The following STXBP5 variants were observed in gnomAD, a reference collection of about 807,000 sequenced individuals.
STXBP5 encodes syntaxin-binding protein 5.
STXBP5 carries 50 observed loss-of-function variants against 152.4 expected under a neutral mutation model. The observed-to-expected ratio is 0.33, with a 90% CI of 0.26 to 0.42. STXBP5 has a LOEUF of 0.42. Among genes scored for constraint, STXBP5 ranks in the 10% least tolerant of loss-of-function variants. The pLI, the probability that STXBP5 is intolerant of heterozygous loss-of-function variation, is 1.00. For missense variants in STXBP5, 1,167 were observed against 1,388.6 expected (o/e 0.84, Z 2.54); for synonymous variants, 492 against 494.7 (o/e 0.99, Z 0.07).
intron 22 of STXBP5, 66 bp from the exon 23 acceptor site, chr6:147,359,018 T>TA (rs1370872666): frequency 2.3e-5 from 36 of 1,548,954 alleles, no homozygotes; most frequent in African/African-American, 1.4e-5. Flanking sequence ...AAATTTATAT[T>TA]AAAAAACAAC....
intron 8 of STXBP5, 114 bp from the exon 9 acceptor site, chr6:147,290,980 T>C: frequency 1.4e-6 from 1 of 740,054 alleles, no homozygotes; most frequent in Non-Finnish European, 2.1e-6. Context: ...AGAATCACTT[T>C]AAAATGTTTC....
At chr6:147,346,813 C>T (rs533447944) in intron 21 of STXBP5, among the ~76,000 whole-genome samples, 9 of 152,138 alleles carry the variant, frequency 5.9e-5, no homozygotes, top group African/African-American at 2.2e-4. Flanking sequence ...CCACTAAAAA[C>T]AACTATAAAA....
chr6:147,348,240 T>C (rs1037249811), intron 21 of STXBP5, among the ~76,000 whole-genome samples: 7 of 152,078 alleles, frequency 4.6e-5, no homozygotes, highest in African/African-American at 1.7e-4. Context: ...TACTGCACAG[T>C]TCTTCTGCCT....
intron 26 of STXBP5, among the ~76,000 whole-genome samples, chr6:147,380,208 A>ACACG (rs1562279203): frequency 6.9e-6 from 1 of 145,058 alleles, no homozygotes; most frequent in African/African-American, 2.5e-5. Flanking sequence ...ACACACACAC[A>ACACG]CAAATATTGA....
chr6:147,339,369 G>T lies in STXBP5; in HGVS notation c.2239G>T (p.Val747Leu), dbSNP rs1783987024. ...CAAAAGCAGAAAGTTTTCCAAGATG[G>T]TAGCCAATGATATAGGTAGGAAATA... is the stretch of plus-strand genomic sequence containing the variant. ...KTKSRKFSKMVANDIAKMSRK... is the reference protein window; with the variant it reads ...KTKSRKFSKMLANDIAKMSRK... The change falls in exon 21 of 28, where the codon GTA (valine) becomes TTA (leucine). Residue 747 changes from valine to leucine, a missense_variant. Around this residue, in one of 3 missense-constraint regions of STXBP5, gnomAD observed 833 missense variants for 986.3 expected, o/e 0.84. Transcript: ENST00000321680. 1 of 1,499,400 alleles carries T rather than the reference G, an allele frequency of 6.7e-7. No individual in the cohort carries two copies. 92.9% of individuals were successfully genotyped at this position (1,499,400 alleles called of 1,614,324 possible). A position where few individuals can be genotyped will look rare whatever the true frequency, so the allele number is the denominator to read the frequency against.
At chr6:147,248,915 G>T (rs956892430) in intron 4 of STXBP5, among the ~76,000 whole-genome samples, 3 of 152,158 alleles carry the variant, frequency 2.0e-5, no homozygotes, top group Admixed American at 2.0e-4. Context: ...CCAGTGGACA[G>T]GAGATTGTTT....
intron 9 of STXBP5, among the ~76,000 whole-genome samples, chr6:147,296,919 G>A (rs1164449399): frequency 6.6e-6 from 1 of 151,632 alleles, no homozygotes; most frequent in East Asian, 1.9e-4. Context: ...GCCAGAGGGT[G>A]GAAAAAAAAT....
rs188662895 is a variant in STXBP5, at chr6:147,325,541, C to T, written c.1928+457C>T. Among the ~76,000 whole-genome samples the T allele has an allele frequency of 8.5e-5, 13 of 152,236 alleles. No homozygotes were observed. The East Asian group carries it at 2.5e-3, about 29-fold the overall frequency. On this transcript the variant is annotated intron_variant, in intron 17 of 27. Transcript: ENST00000321680. ...TAAAAGCATGACAATAATTAATATT[C>T]ATTTATACTGTAGTATACTGTTTTA...
At chr6:147,267,047 T>G (rs918797857) in intron 6 of STXBP5, 37 bp from the exon 7 acceptor site, 1 of 1,503,738 alleles carries the variant, frequency 6.7e-7, no homozygotes, top group Non-Finnish European at 9.2e-7. Context: ...ATAATTGATA[T>G]CATTCCTAGG....
Position 147,204,571 on chromosome 6 carries a change from G to C in STXBP5, c.39G>C (p.Leu13=). The change falls in exon 1 of 28, where the codon CTG becomes CTC. Residue 13 remains leucine, a synonymous_variant. Transcript: ENST00000321680. The surrounding 1 kb of genome is among the most constrained non-coding windows in gnomAD (Gnocchi z 4.3). ...KFNIRKVLDG[L]TAGSSSASQQ... is the part of the protein sequence containing the mutation. ...ACATCAGGAAGGTGCTGGACGGCCT[G>C]ACCGCCGGCTCGTCCTCGGCGTCGC... The C allele has an allele frequency of 6.2e-7, 1 of 1,610,842 alleles. No homozygotes were observed. Among genetic ancestry groups the C allele is most frequent in the Non-Finnish European group, 8.5e-7 (1 of 1,178,552 alleles).
chr6:147,305,995 T>G (rs1419217199), intron 9 of STXBP5, among the ~76,000 whole-genome samples: 2 of 152,218 alleles, frequency 1.3e-5, no homozygotes. Context: ...TAAATCCCAA[T>G]TTTTTAAATA....
intron 8 of STXBP5, among the ~76,000 whole-genome samples, chr6:147,287,951 T>C (rs773264690): frequency 6.6e-6 from 1 of 151,832 alleles, no homozygotes; most frequent in South Asian, 2.1e-4. Context: ...TGAGTCATTT[T>C]ACTTTTTTTT....
At chr6:147,357,913 A>G (rs1340938442) in intron 22 of STXBP5, among the ~76,000 whole-genome samples, 1 of 152,202 alleles carries the variant, frequency 6.6e-6, no homozygotes, top group Non-Finnish European at 1.5e-5. Flanking sequence ...GTATTTGGAA[A>G]TGATGTTCCA....
At chr6:147,297,147 C>T (rs1011114333) in intron 9 of STXBP5, among the ~76,000 whole-genome samples, 1 of 152,008 alleles carries the variant, frequency 6.6e-6, no homozygotes, top group African/African-American at 2.4e-5. Flanking sequence ...TTCAAAAGGT[C>T]CTCTCCAAGA....
At chr6:147,240,703 TTAAAG>T (rs1354626365) in intron 4 of STXBP5, among the ~76,000 whole-genome samples, 4 of 152,146 alleles carry the variant, frequency 2.6e-5, no homozygotes, top group South Asian at 2.1e-4. Flanking sequence ...AAGTGTGAAC[TTAAAG>T]TAGAGGAAGG....
At chr6:147,311,579 A>T in intron 11 of STXBP5, 52 bp downstream of exon 11, 1 of 1,377,292 alleles carries the variant, frequency 7.3e-7, no homozygotes, top group Non-Finnish European at 1.0e-6. Context: ...TTGAAAAAAG[A>T]TGCCTTTTAT....
At chr6:147,329,546 T>A (rs900150512) in intron 18 of STXBP5, among the ~76,000 whole-genome samples, 10 of 150,486 alleles carry the variant, frequency 6.6e-5, no homozygotes, top group African/African-American at 2.2e-4. Context: ...AAAAATAATA[T>A]TCTTCCTAAC....
Position 147,204,618 on chromosome 6 carries a change from C to A in STXBP5, c.86C>A (p.Pro29Gln). Residue 29 changes from proline to glutamine, a missense_variant, in exon 1 of 28, where the codon CCG becomes CAG. Pro to Gln is a moderately conservative substitution (Grantham distance 76). Coordinates refer to ENST00000321680, the MANE Select transcript of STXBP5 (RefSeq NM_001127715.4). The surrounding 1 kb of genome is among the most constrained non-coding windows in gnomAD (Gnocchi z 4.3). Reference protein sequence around the residue: ...SASQQQQQQHPPGNREPEIQE... With the variant: ...SASQQQQQQHQPGNREPEIQE... ...TCGCAGCAGCAACAGCAGCAGCATC[C>A]GCCTGGGAACCGGGAGCCGGAGATC... The A allele has an allele frequency of 1.2e-6, 2 of 1,610,894 alleles. No homozygotes were observed. The highest frequency in any genetic ancestry group is 8.5e-7 in the Non-Finnish European group (1 of 1,178,470).
chr6:147,211,299 ACT>A (rs935628900), intron 2 of STXBP5, among the ~76,000 whole-genome samples: 5 of 141,948 alleles, frequency 3.5e-5, no homozygotes, highest in African/African-American at 1.3e-4. Flanking sequence ...ACAGAGCAAG[ACT>A]CTGTCTCAAA....
Sources: gnomAD v4.1 joint callset for allele counts (sites outside exome capture counted in the v4.1 genomes callset) on GRCh38, gnomAD v4.1.1 for gene constraint, gnomAD v4.1.1 regional missense constraint, Gnocchi (gnomAD v3.1) non-coding constraint, MANE v1.5 for transcripts, NCBI Gene and HGNC (gene_info 2026-07-23, HGNC 2026-07-21) for gene names.